PDE2A: variants seen among roughly 807,000 people sequenced by gnomAD.
PDE2A encodes the protein cGMP-dependent 3',5'-cyclic phosphodiesterase.
In PDE2A, 53 loss-of-function variants were observed where a neutral mutation model predicts 133.6. The ratio of observed to expected loss-of-function variants is 0.40; its 90% confidence interval spans 0.32 to 0.50. The LOEUF (loss-of-function observed/expected upper bound fraction) is 0.50, where lower values mean the gene tolerates loss of function less well. PDE2A is among the 20% of genes least tolerant of loss of function. The probability of loss-of-function intolerance (pLI) is 0.73; values close to 1 mark genes in which losing one functional copy is unlikely to be tolerated. For synonymous variants in PDE2A, 491 were observed against 490.2 expected (o/e 1.00, Z -0.02); for missense variants, 796 against 1,232.4 (o/e 0.65, Z 5.30).
chr11:72,608,718 T>G lies in PDE2A; in HGVS notation c.178A>C (p.Ile60Leu). 1 of 1,573,968 alleles carries G rather than the reference T, an allele frequency of 6.4e-7. No homozygotes were observed. The highest frequency in any genetic ancestry group is 8.6e-7 in the Non-Finnish European group (1 of 1,159,254). The stretch of plus-strand genomic sequence containing the variant: ...TTGACAGCACGTTGCAGGCCTGAAA[T>G]GTCGATGACAGAGCCCAGACTCAGC... Reference protein sequence around the residue: ...ALLSLGSVIDISGLQRAVKEA... With the variant: ...ALLSLGSVIDLSGLQRAVKEA... Residue 60 changes from isoleucine to leucine, a missense_variant, in exon 3 of 31, where the codon ATT becomes CTT. Ile to Leu is a conservative substitution (Grantham distance 5). Around this residue, in one of 7 missense-constraint regions of PDE2A, gnomAD observed 417 missense variants for 475.3 expected, o/e 0.88. Coordinates refer to ENST00000334456, the MANE Select transcript of PDE2A (RefSeq NM_002599.5).
chr11:72,663,346 C>G (rs183489011), intron 1 of PDE2A, among the ~76,000 whole-genome samples: 1 of 152,158 alleles, frequency 6.6e-6, no homozygotes, highest in South Asian at 2.1e-4. Context: ...AGATACAGAG[C>G]GCGGTGATCA....
At chr11:72,671,240 A>T (rs549694943) in intron 1 of PDE2A, among the ~76,000 whole-genome samples, 1 of 152,064 alleles carries the variant, frequency 6.6e-6, no homozygotes, top group Admixed American at 6.6e-5. Flanking sequence ...GAGAACAGGG[A>T]CTCAGTCAGT....
At position 72,598,500 on chromosome 11, in the gene PDE2A, A is replaced by G. The variant is rs190303727; in HGVS notation, c.324-881T>C. On this transcript the variant is annotated intron_variant, in intron 4 of 30. Transcript: ENST00000334456. ...CCCAGCCTCTGGCTCATCCCGCTTAATTAAGCACCTGAGTTTGCACCAAAT... is the reference window on the plus strand; with the variant it reads ...CCCAGCCTCTGGCTCATCCCGCTTAGTTAAGCACCTGAGTTTGCACCAAAT... 69 of 1,288,952 alleles carry G rather than the reference A, an allele frequency of 5.4e-5. No homozygotes were observed. In the East Asian group the frequency reaches 3.4e-3, roughly 64 times the overall value. 79.8% of individuals were successfully genotyped at this position (1,288,952 alleles called of 1,614,324 possible).
intron 2 of PDE2A, among the ~76,000 whole-genome samples, chr11:72,629,009 G>C (rs1217032412): frequency 6.6e-6 from 1 of 152,224 alleles, no homozygotes; most frequent in African/African-American, 2.4e-5. Context: ...AATCCAGCAG[G>C]CCCTGCCAAG....
chr11:72,637,071 C>T (rs188515132), intron 2 of PDE2A, among the ~76,000 whole-genome samples: 1 of 138,712 alleles, frequency 7.2e-6, no homozygotes, highest in East Asian at 1.9e-4. Context: ...CGAACCTTCA[C>T]AGTAACCATT....
intron 13 of PDE2A, among the ~76,000 whole-genome samples, chr11:72,588,131 A>G (rs1856061906): frequency 6.6e-6 from 1 of 152,204 alleles, no homozygotes; most frequent in Non-Finnish European, 1.5e-5. Flanking sequence ...GAAATGGCTC[A>G]TCAGACGCAG....
chr11:72,650,387 T>C (rs768053570), intron 1 of PDE2A, among the ~76,000 whole-genome samples: 9 of 151,884 alleles, frequency 5.9e-5, no homozygotes, highest in Non-Finnish European at 1.3e-4. Flanking sequence ...CCCATCCTTC[T>C]CTCTGAGTCT....
At position 72,578,454 on chromosome 11, in the gene PDE2A, C is replaced by T; in HGVS notation, c.2508+22G>A. On this transcript the variant is annotated intron_variant, in intron 29 of 30. Transcript: ENST00000334456. This position sits in a 1 kb window ranked among gnomAD's most constrained non-coding sequence, Gnocchi z 4.2. ...AGGAACCCTCCCCCATCCTGGACATCCTGGGGTCACTCCACACATACCAGG... is the reference window on the plus strand; with the variant it reads ...AGGAACCCTCCCCCATCCTGGACATTCTGGGGTCACTCCACACATACCAGG... 6.2e-7 allele frequency: 1 copy of T among 1,609,644 alleles called. No homozygotes were observed. The highest frequency in any genetic ancestry group is 1.1e-5 in the South Asian group (1 of 90,998).
chr11:72,592,415 G>T (rs1039553887), intron 6 of PDE2A, among the ~76,000 whole-genome samples: 6 of 152,180 alleles, frequency 3.9e-5, no homozygotes, highest in African/African-American at 1.4e-4. Flanking sequence ...GCAGGTTCTC[G>T]GGAAGCTCAC....
chr11:72,584,275 C>T lies in PDE2A; in HGVS notation c.1576G>A (p.Gly526Arg). The change falls in exon 19 of 31, where the codon GGG (glycine) becomes AGG (arginine). Residue 526 changes from glycine to arginine, a missense_variant. Around this residue, in one of 7 missense-constraint regions of PDE2A, gnomAD observed 218 missense variants for 465.9 expected, o/e 0.47. Transcript: ENST00000334456. The stretch of plus-strand genomic sequence containing the variant: ...TCGTCGAACTTGCTGAACCATGGCC[C>T]ATTGATCTTGTTCACCAGCTCGGCC... ...GVAELVNKINGPWFSKFDEDL... is the reference protein window; with the variant it reads ...GVAELVNKINRPWFSKFDEDL... 6.2e-7 allele frequency: 1 copy of T among 1,613,502 alleles called. No individual in the cohort carries two copies. Among genetic ancestry groups the T allele is most frequent in the Non-Finnish European group, 8.5e-7 (1 of 1,179,448 alleles).
At chr11:72,664,679 G>A (rs1001857610) in intron 1 of PDE2A, among the ~76,000 whole-genome samples, 1 of 151,496 alleles carries the variant, frequency 6.6e-6, no homozygotes, top group Non-Finnish European at 1.5e-5. Context: ...GGCCTCCCTG[G>A]AAGGATTATT....
intron 2 of PDE2A, among the ~76,000 whole-genome samples, chr11:72,626,613 C>T (rs971608243): frequency 1.3e-5 from 2 of 152,182 alleles, no homozygotes; most frequent in Non-Finnish European, 2.9e-5. Flanking sequence ...TGCTCGTATA[C>T]TCGGAGCCTT....
At chr11:72,672,560 C>T (rs1855408800) in intron 1 of PDE2A, among the ~76,000 whole-genome samples, 1 of 152,154 alleles carries the variant, frequency 6.6e-6, no homozygotes, top group South Asian at 2.1e-4. Flanking sequence ...CCCCAGGGCT[C>T]TCTGGATAAA....
At chr11:72,604,786 G>C (rs1856901776) in intron 4 of PDE2A, among the ~76,000 whole-genome samples, 1 of 152,188 alleles carries the variant, frequency 6.6e-6, no homozygotes, top group South Asian at 2.1e-4. Flanking sequence ...TCCAGGTCCA[G>C]CCTCGCAGTA....
rs562919002 is a variant in PDE2A, at chr11:72,628,333, C to CTTT, written c.144+13918_144+13920dup. On this transcript the variant is annotated intron_variant, in intron 2 of 30. Coordinates refer to ENST00000334456, the MANE Select transcript of PDE2A (RefSeq NM_002599.5). ...ATTACATCCAAGAATGATAGAGGTTCTTTTTTTTTTTTTTTGAGATGGAGT... is the reference window on the plus strand; with the variant it reads ...ATTACATCCAAGAATGATAGAGGTTCTTTTTTTTTTTTTTTTTTGAGATGGAGT... Among the ~76,000 whole-genome samples the CTTT allele has an allele frequency of 2.9e-3, 412 of 142,078 alleles. 4 individuals are homozygous for CTTT. Among genetic ancestry groups the CTTT allele is most frequent in the Non-Finnish European group, 4.7e-3 (304 of 64,826 alleles). 93.2% of individuals were successfully genotyped at this position (142,078 alleles called of 152,430 possible). A position where few individuals can be genotyped will look rare whatever the true frequency, so the allele number is the denominator to read the frequency against.
intron 1 of PDE2A, among the ~76,000 whole-genome samples, chr11:72,667,584 A>G (rs111265212): frequency 7.1e-4 from 108 of 152,282 alleles, no homozygotes; most frequent in Middle Eastern, 6.8e-3. Flanking sequence ...GGCCCTTCAA[A>G]CACAACGAAG....
chr11:72,592,483 A>G (rs1392101778), intron 6 of PDE2A, among the ~76,000 whole-genome samples: 2 of 152,186 alleles, frequency 1.3e-5, no homozygotes, highest in Non-Finnish European at 2.9e-5. Context: ...GTGGAGCCTC[A>G]TACCTGAGGA....
intron 2 of PDE2A, chr11:72,631,254 C>G (rs965342451): frequency 6.6e-6 from 5 of 753,502 alleles, no homozygotes; most frequent in African/African-American, 5.4e-5. Context: ...CTCCAGGGAG[C>G]CTTGCCTGCT....
intron 6 of PDE2A, among the ~76,000 whole-genome samples, chr11:72,591,683 C>T (rs558842318): frequency 6.6e-6 from 1 of 152,198 alleles, no homozygotes; most frequent in African/African-American, 2.4e-5. Flanking sequence ...GATTATGGAG[C>T]GCTGCAGGTC....
Sources: allele counts gnomAD v4.1 joint callset (sites outside exome capture counted in the v4.1 genomes callset), GRCh38; gene constraint gnomAD v4.1.1; regional missense constraint gnomAD v4.1.1; non-coding constraint Gnocchi (gnomAD v3.1); transcripts MANE v1.5; gene names NCBI Gene and HGNC (gene_info 2026-07-23, HGNC 2026-07-21).